ARHGAP8: variants seen among roughly 807,000 people sequenced by gnomAD.
ARHGAP8 encodes the protein Rho GTPase activating protein 8.
ARHGAP8 carries 62 observed loss-of-function variants against 46.1 expected under a neutral mutation model. The ratio of observed to expected loss-of-function variants is 1.34; its 90% CI spans 1.10 to 1.66. The LOEUF is 1.66. Ranked by LOEUF, ARHGAP8 falls within the 40% of genes most tolerant of loss-of-function variation. The pLI is 0.00. For missense variants in ARHGAP8, 923 were observed against 568.4 expected, an observed-to-expected ratio of 1.62 and a Z score of -6.34; for synonymous variants, 375 against 243.1, an observed-to-expected ratio of 1.54 and a Z score of -5.05.
intron 1 of ARHGAP8, among the ~76,000 whole-genome samples, chr22:44,763,867 G>A (rs1170487438): frequency 6.7e-6 from 1 of 149,604 alleles, no homozygotes; most frequent in East Asian, 2.0e-4. Flanking sequence ...CTGGAGTGCA[G>A]TGGCACAATC....
chr22:44,858,973 A>C (rs1341649042), intron 10 of ARHGAP8, among the ~76,000 whole-genome samples: 1 of 151,840 alleles, frequency 6.6e-6, no homozygotes, highest in Admixed American at 6.6e-5. Flanking sequence ...AAAAGCAGCC[A>C]CAGGCAATGT....
chr22:44,788,129 GTTA>G (rs1410885615), intron 2 of ARHGAP8, among the ~76,000 whole-genome samples: 1 of 150,224 alleles, frequency 6.7e-6, no homozygotes, highest in Non-Finnish European at 1.5e-5. Flanking sequence ...TTTTATTATT[GTTA>G]TTTTGAGATG....
chr22:44,807,787 C>A (rs1296682090), intron 3 of ARHGAP8, among the ~76,000 whole-genome samples: 1 of 152,228 alleles, frequency 6.6e-6, no homozygotes, highest in East Asian at 1.9e-4. Flanking sequence ...CCCATAAAGG[C>A]TGTCAGCAGT....
chr22:44,777,300 T>G (rs747400363), intron 1 of ARHGAP8: 4 of 152,060 alleles, frequency 2.6e-5, no homozygotes, highest in African/African-American at 4.8e-5. Context: ...CATGTTGTGC[T>G]TAAACGTTCG....
chr22:44,830,190 A>C (rs1930843050), intron 7 of ARHGAP8, among the ~76,000 whole-genome samples: 1 of 151,156 alleles, frequency 6.6e-6, no homozygotes, highest in Middle Eastern at 3.2e-3. Flanking sequence ...AGTCCAGCTA[A>C]GTTTTGTATT....
At position 44,822,469 on chromosome 22, in the gene ARHGAP8, G is replaced by C. The variant is rs1383604244; in HGVS notation, c.485G>C (p.Arg162Pro). The change falls in exon 6 of 12, where the codon CGG (arginine) becomes CCG (proline). Residue 162 changes from arginine (R) to proline (P), a missense_variant and splice_region_variant. Arg to Pro is a moderately radical substitution (Grantham distance 103). Transcript: ENST00000356099. ...CTGGTCATCCCTCCCGAAGTTTTGC[G>C]GTAAGTGCCTGTTAGACCCCAGAAG... ...DQLVIPPEVLRYDEKLQSLHE... is the reference protein window; with the variant it reads ...DQLVIPPEVLPYDEKLQSLHE... 78 of 1,549,876 alleles carry C rather than the reference G, an allele frequency of 5.0e-5. 1 individual carries two copies. Among genetic ancestry groups the C allele is most frequent in the Non-Finnish European group, 6.7e-5 (78 of 1,157,046 alleles).
intron 1 of ARHGAP8, among the ~76,000 whole-genome samples, chr22:44,775,453 CT>C (rs132478): frequency 0.88 from 131,527 of 149,420 alleles, 57,878 homozygotes; most frequent in African/African-American, 0.89. Flanking sequence ...AATTCTTTCT[CT>C]TTTTTTTTTT....
At chr22:44,782,936 C>G (rs1185041421) in intron 1 of ARHGAP8, among the ~76,000 whole-genome samples, 2 of 152,144 alleles carry the variant, frequency 1.3e-5, no homozygotes, top group Admixed American at 1.3e-4. Context: ...CATCAGGAGG[C>G]CTCCACTTGT....
At chr22:44,772,602 G>T (rs1044136721) in intron 1 of ARHGAP8, among the ~76,000 whole-genome samples, 1 of 151,658 alleles carries the variant, frequency 6.6e-6, no homozygotes, top group Admixed American at 6.6e-5. Context: ...TGTTAAGATT[G>T]TTTATGTCTC....
chr22:44,817,567 G>T (rs572233003), intron 5 of ARHGAP8, among the ~76,000 whole-genome samples: 1 of 152,304 alleles, frequency 6.6e-6, no homozygotes, highest in East Asian at 1.9e-4. Context: ...ACTTTGGGAG[G>T]CTGAGGCTAG....
chr22:44,853,408 C>T lies in ARHGAP8; in HGVS notation c.877+4348C>T, dbSNP rs1255912680. On this transcript the variant is annotated intron_variant, in intron 10 of 11. Coordinates refer to ENST00000356099, the MANE Select transcript of ARHGAP8 (RefSeq NM_181335.3). ...AGGTTTTAGTTCTTTGTCATGCCAA[C>T]TCAGGGGGTAGGAGAAAACTGGAAA... 2.0e-5 allele frequency among the ~76,000 whole-genome samples: 3 copies of T among 152,252 alleles called. No individual in the cohort carries two copies. In the East Asian group the frequency reaches 5.8e-4, roughly 29 times the overall value.
intron 10 of ARHGAP8, among the ~76,000 whole-genome samples, chr22:44,856,254 CTTTTTTTTTTTTTTTTTTTTTTTTTTT>C (rs557242169): frequency 0.17 from 15,366 of 88,996 alleles, 1,305 homozygotes; most frequent in Middle Eastern, 0.36. Flanking sequence ...TATAAATTCC[CTTTTTTTTTTTTTTTTTTTTTTTTTTT>C]TTTTTTTTGA....
At chr22:44,762,820 A>T (rs1350023073) in intron 1 of ARHGAP8, among the ~76,000 whole-genome samples, 1 of 152,148 alleles carries the variant, frequency 6.6e-6, no homozygotes, top group Non-Finnish European at 1.5e-5. Flanking sequence ...CTGGGATTAC[A>T]GGCATGAGCC....
chr22:44,786,410 G>T (rs999788379), intron 1 of ARHGAP8, 47 bp from the exon 2 acceptor site: 1 of 1,543,396 alleles, frequency 6.5e-7, no homozygotes, highest in South Asian at 1.2e-5. Flanking sequence ...CTCATTCCCC[G>T]CCTTACTGGA....
At chr22:44,802,231 C>A in intron 3 of ARHGAP8, 67 bp downstream of exon 3, 1 of 1,580,386 alleles carries the variant, frequency 6.3e-7, no homozygotes, top group Non-Finnish European at 8.6e-7. Context: ...TCCCTTCACC[C>A]CACCTCACTC....
chr22:44,767,557 C>G (rs1315428398), intron 1 of ARHGAP8, among the ~76,000 whole-genome samples: 1 of 151,858 alleles, frequency 6.6e-6, no homozygotes, highest in Non-Finnish European at 1.5e-5. Flanking sequence ...TTGCAGCACT[C>G]TTTTATAAAC....
chr22:44,823,717 T>G (rs1445489504), intron 6 of ARHGAP8, among the ~76,000 whole-genome samples: 1 of 151,958 alleles, frequency 6.6e-6, no homozygotes, highest in Non-Finnish European at 1.5e-5. Context: ...TTTGGTCTGG[T>G]GACAAAGGGT....
At chr22:44,838,139 A>ATTTTTTT (rs1569172273) in intron 7 of ARHGAP8, among the ~76,000 whole-genome samples, 8 of 139,152 alleles carry the variant, frequency 5.7e-5, no homozygotes, top group African/African-American at 1.9e-4. Flanking sequence ...ATGCCTGGCT[A>ATTTTTTT]ATTTTTTTTT....
intron 1 of ARHGAP8, among the ~76,000 whole-genome samples, chr22:44,776,975 C>A (rs553434830): frequency 2.6e-4 from 39 of 152,254 alleles, no homozygotes; most frequent in African/African-American, 8.9e-4. Flanking sequence ...GCTCCTCCTG[C>A]AATGCTGTTC....
Sources: gnomAD v4.1 joint callset for allele counts (sites outside exome capture counted in the v4.1 genomes callset) on GRCh38, gnomAD v4.1.1 for gene constraint, MANE v1.5 for transcripts, NCBI Gene and HGNC (gene_info 2026-07-23, HGNC 2026-07-21) for gene names.